Variants in NT5DC1 observed in about 807,000 individuals in gnomAD.
The protein encoded by NT5DC1 is 5'-nucleotidase domain containing 1, also known as 5'-nucleotidase domain-containing protein 1.
Under a neutral mutation model 59.4 loss-of-function variants are expected in NT5DC1, and 42 were observed. The ratio of observed to expected loss-of-function variants is 0.71; its 90% CI spans 0.55 to 0.92. The LOEUF is 0.92. Ranked by LOEUF, NT5DC1 falls within the 40% of genes least tolerant of loss-of-function variation. NT5DC1 has a pLI of 0.00. For missense variants in NT5DC1, 501 were observed against 537.1 expected, an observed-to-expected ratio of 0.93 and a Z score of 0.66; for synonymous variants, 172 against 188.1, an observed-to-expected ratio of 0.91 and a Z score of 0.70.
At chr6:116,209,947 A>C (rs1781542266) in intron 6 of NT5DC1, among the ~76,000 whole-genome samples, 1 of 152,064 alleles carries the variant, frequency 6.6e-6, no homozygotes. Flanking sequence ...AGATTTAGAC[A>C]CATAAATGAT....
intron 6 of NT5DC1, among the ~76,000 whole-genome samples, chr6:116,136,328 C>G (rs972556484): frequency 6.7e-6 from 1 of 148,600 alleles, no homozygotes; most frequent in Non-Finnish European, 1.5e-5. Flanking sequence ...AATATGCACA[C>G]TTTTTTTTTT....
chr6:116,103,586 G>T (rs748585374), intron 1 of NT5DC1, among the ~76,000 whole-genome samples: 24 of 152,152 alleles, frequency 1.6e-4, no homozygotes, highest in Non-Finnish European at 3.5e-4. Context: ...ACCGGGAACT[G>T]CTGGGTGCAA....
intron 6 of NT5DC1, among the ~76,000 whole-genome samples, chr6:116,133,562 C>A (rs1779519252): frequency 6.6e-6 from 1 of 152,086 alleles, no homozygotes; most frequent in Non-Finnish European, 1.5e-5. Flanking sequence ...ACACAGACCA[C>A]CAAGAAACCC....
In NT5DC1 at chr6:116,246,590, A is replaced by G. The variant is rs181373840; in HGVS notation, c.*2566A>G. ...AAAATCAAACTGCCTCTCTAGATAT[A>G]ATAACCTTCACTGACTGTTGGAAAT... On this transcript the variant is annotated 3_prime_UTR_variant, in exon 12 of 12. Transcript: ENST00000319550. The G allele has an allele frequency of 1.6e-4, 24 of 152,248 alleles. No homozygotes were observed. In the East Asian group the frequency reaches 4.4e-3, roughly 28 times the overall value. 9.4% of individuals were successfully genotyped at this position (152,248 alleles called of 1,614,324 possible). A position where few individuals can be genotyped will look rare whatever the true frequency, so the allele number is the denominator to read the frequency against.
intron 6 of NT5DC1, among the ~76,000 whole-genome samples, chr6:116,170,198 G>C (rs1307448539): frequency 6.6e-6 from 1 of 152,112 alleles, no homozygotes; most frequent in Non-Finnish European, 1.5e-5. Flanking sequence ...GAGACAAAAG[G>C]AGTCATAGCT....
chr6:116,155,051 G>C (rs1264632836), intron 6 of NT5DC1, among the ~76,000 whole-genome samples: 1 of 152,160 alleles, frequency 6.6e-6, no homozygotes, highest in East Asian at 1.9e-4. Context: ...GTTTGACAGG[G>C]AGTATACAGA....
intron 6 of NT5DC1, among the ~76,000 whole-genome samples, chr6:116,170,551 A>C (rs1247585722): frequency 6.6e-6 from 1 of 152,186 alleles, no homozygotes; most frequent in Non-Finnish European, 1.5e-5. Flanking sequence ...ACTCATAATA[A>C]GTAATCAGTG....
intron 6 of NT5DC1, among the ~76,000 whole-genome samples, chr6:116,144,789 C>T (rs1403181695): frequency 2.0e-5 from 3 of 151,988 alleles, no homozygotes; most frequent in East Asian, 3.9e-4. Context: ...GGTATTTGTC[C>T]CTGACAACTG....
intron 6 of NT5DC1, among the ~76,000 whole-genome samples, chr6:116,126,675 A>G (rs1392254342): frequency 2.6e-5 from 4 of 152,292 alleles, no homozygotes; most frequent in Non-Finnish European, 5.9e-5. Context: ...TATTCACAAC[A>G]CTACGCTATA....
At chr6:116,230,623 T>C (rs550623643) in intron 8 of NT5DC1, among the ~76,000 whole-genome samples, 1 of 152,330 alleles carries the variant, frequency 6.6e-6, no homozygotes, top group South Asian at 2.1e-4. Flanking sequence ...GTGGCATAGA[T>C]ATATGTAGAA....
At chr6:116,168,522 T>C (rs1233138388) in intron 6 of NT5DC1, among the ~76,000 whole-genome samples, 1 of 152,136 alleles carries the variant, frequency 6.6e-6, no homozygotes, top group Non-Finnish European at 1.5e-5. Flanking sequence ...AGTTTTCAAG[T>C]CTGTCTTTAT....
At chr6:116,107,990 A>ATGTG (rs59382013) in intron 2 of NT5DC1, among the ~76,000 whole-genome samples, 15 of 150,556 alleles carry the variant, frequency 1.0e-4, no homozygotes, top group East Asian at 3.9e-4. Context: ...TAGAATATAA[A>ATGTG]TGTGTGTGTG....
chr6:116,248,930 CAAAT>C lies in NT5DC1; in HGVS notation c.*4909_*4912del, dbSNP rs1321535501. 2 of 152,178 alleles carry C rather than the reference CAAAT, an allele frequency of 1.3e-5. No individual in the cohort carries two copies. Among genetic ancestry groups the C allele is most frequent in the East Asian group, 1.9e-4 (1 of 5,198 alleles). The allele number at this position is 152,178 out of a possible 1,614,324, so 9.4% of individuals were successfully genotyped here. The stretch of plus-strand genomic sequence containing the variant: ...GAACAGAAACCATGCTAATCTGTAA[CAAAT>C]AAGTGGCGCCAGCCTATTACAGTGA... On this transcript the variant is annotated 3_prime_UTR_variant, in exon 12 of 12. Coordinates refer to ENST00000319550, the MANE Select transcript of NT5DC1 (RefSeq NM_152729.3).
intron 6 of NT5DC1, among the ~76,000 whole-genome samples, chr6:116,136,661 A>T (rs772760012): frequency 6.6e-6 from 1 of 152,178 alleles, no homozygotes; most frequent in African/African-American, 2.4e-5. Flanking sequence ...CTGTTCTGAT[A>T]TGGCAGTATC....
intron 6 of NT5DC1, among the ~76,000 whole-genome samples, chr6:116,139,755 G>GT (rs930571833): frequency 6.6e-6 from 1 of 152,066 alleles, no homozygotes; most frequent in African/African-American, 2.4e-5. Context: ...GAATTTGACA[G>GT]TTTTTTGCTT....
chr6:116,109,102 G>T (rs1163823115), intron 3 of NT5DC1, among the ~76,000 whole-genome samples: 1 of 152,162 alleles, frequency 6.6e-6, no homozygotes, highest in Non-Finnish European at 1.5e-5. Context: ...CAGGGAGGGA[G>T]CATCTGTTTT....
chr6:116,128,444 C>T (rs1311544404), intron 6 of NT5DC1, among the ~76,000 whole-genome samples: 1 of 149,328 alleles, frequency 6.7e-6, no homozygotes, highest in African/African-American at 2.4e-5. Flanking sequence ...CCATTCCACT[C>T]AAAACAGAGA....
chr6:116,185,683 A>G (rs1035932416), intron 6 of NT5DC1, among the ~76,000 whole-genome samples: 1 of 152,004 alleles, frequency 6.6e-6, no homozygotes, highest in Non-Finnish European at 1.5e-5. Context: ...AAGAATAGCT[A>G]CGCCTGCTTG....
intron 6 of NT5DC1, among the ~76,000 whole-genome samples, chr6:116,203,357 G>A (rs942207113): frequency 5.9e-5 from 9 of 151,810 alleles, no homozygotes; most frequent in African/African-American, 9.7e-5. Flanking sequence ...CCTGCAGTCC[G>A]CCAGAAGCTC....
Sources: allele counts gnomAD v4.1 joint callset (sites outside exome capture counted in the v4.1 genomes callset), GRCh38; gene constraint gnomAD v4.1.1; transcripts MANE v1.5; gene names NCBI Gene and HGNC (gene_info 2026-07-23, HGNC 2026-07-21).